The following CEP112 variants were observed in gnomAD, a reference collection of about 807,000 sequenced individuals.
CEP112 encodes the protein centrosomal protein of 112 kDa.
In CEP112, 127 loss-of-function variants were observed where a neutral mutation model predicts 153.0. That is an observed-to-expected ratio of 0.83 (90% CI 0.72 to 0.96). CEP112 has a LOEUF of 0.96. Among genes scored for constraint, CEP112 ranks in the 40% least tolerant of loss-of-function variants. The pLI, the probability that CEP112 is intolerant of heterozygous loss-of-function variation, is 0.00. For synonymous variants in CEP112, 358 were observed against 374.4 expected, an observed-to-expected ratio of 0.96 and a Z score of 0.51; for missense variants, 1,089 against 1,101.2, an observed-to-expected ratio of 0.99 and a Z score of 0.16.
intron 9 of CEP112, among the ~76,000 whole-genome samples, chr17:66,067,514 G>T (rs2067168038): frequency 2.0e-5 from 3 of 152,094 alleles, no homozygotes; most frequent in Admixed American, 1.3e-4. Context: ...TAAGTGAATG[G>T]TGAATTAGTA....
At chr17:66,107,605 A>G (rs1458784588) in intron 6 of CEP112, among the ~76,000 whole-genome samples, 1 of 152,086 alleles carries the variant, frequency 6.6e-6, no homozygotes, top group Admixed American at 6.5e-5. Flanking sequence ...AAAGATCAGT[A>G]CAACAAAAAC....
intron 23 of CEP112, among the ~76,000 whole-genome samples, chr17:65,730,100 A>G (rs1486202785): frequency 3.3e-5 from 5 of 152,238 alleles, no homozygotes; most frequent in African/African-American, 1.2e-4. Context: ...ACCTTAATTG[A>G]TTCCTTAACG....
intron 18 of CEP112, among the ~76,000 whole-genome samples, chr17:65,934,026 T>C (rs2061219349): frequency 6.6e-6 from 1 of 152,070 alleles, no homozygotes; most frequent in Non-Finnish European, 1.5e-5. Flanking sequence ...CCATCTCTAC[T>C]AAAAATACAA....
intron 23 of CEP112, among the ~76,000 whole-genome samples, chr17:65,728,343 G>A (rs1158950234): frequency 6.6e-6 from 1 of 152,166 alleles, no homozygotes; most frequent in Admixed American, 6.5e-5. Flanking sequence ...ATTACAAAAG[G>A]GACTTTAAGA....
At chr17:65,905,480 G>C (rs946376476) in intron 19 of CEP112, among the ~76,000 whole-genome samples, 1 of 152,190 alleles carries the variant, frequency 6.6e-6, no homozygotes, top group Non-Finnish European at 1.5e-5. Flanking sequence ...GGAGAAACAG[G>C]AACACTTTTA....
intron 12 of CEP112, among the ~76,000 whole-genome samples, chr17:66,030,871 T>C (rs1007835738): frequency 6.6e-6 from 1 of 152,218 alleles, no homozygotes; most frequent in African/African-American, 2.4e-5. Context: ...TCAACTATTG[T>C]GTTATTCTAA....
chr17:65,798,400 G>A (rs1289651761), intron 21 of CEP112, among the ~76,000 whole-genome samples: 1 of 152,132 alleles, frequency 6.6e-6, no homozygotes, highest in African/African-American at 2.4e-5. Flanking sequence ...CACCTTTTCT[G>A]AAGTCATCAG....
intron 24 of CEP112, among the ~76,000 whole-genome samples, chr17:65,643,373 C>T (rs1210555436): frequency 6.6e-6 from 1 of 152,120 alleles, no homozygotes; most frequent in Admixed American, 6.6e-5. Flanking sequence ...TCTTGGCTCA[C>T]TGCAACCTCT....
intron 1 of CEP112, among the ~76,000 whole-genome samples, chr17:66,185,079 G>A (rs1053789466): frequency 5.3e-5 from 8 of 152,160 alleles, no homozygotes; most frequent in Non-Finnish European, 1.2e-4. Context: ...AGCAGTGGGG[G>A]CAGAGTCTCA....
At chr17:66,184,271 G>A (rs1223273482) in intron 1 of CEP112, among the ~76,000 whole-genome samples, 1 of 151,822 alleles carries the variant, frequency 6.6e-6, no homozygotes, top group East Asian at 1.9e-4. Flanking sequence ...AAATAAAAAA[G>A]AAAGCTGACA....
intron 18 of CEP112, among the ~76,000 whole-genome samples, chr17:65,933,279 T>C (rs1345758610): frequency 6.6e-6 from 1 of 152,264 alleles, no homozygotes; most frequent in East Asian, 1.9e-4. Flanking sequence ...AAGAAAATAA[T>C]GGCTGAAAGC....
chr17:65,881,711 A>G (rs1024274125), intron 20 of CEP112, among the ~76,000 whole-genome samples: 1 of 152,136 alleles, frequency 6.6e-6, no homozygotes, highest in Non-Finnish European at 1.5e-5. Context: ...TGCCAATGGT[A>G]TAAGAGAAAT....
intron 17 of CEP112, among the ~76,000 whole-genome samples, chr17:66,004,537 A>T (rs1164855942): frequency 1.3e-5 from 2 of 152,202 alleles, no homozygotes; most frequent in African/African-American, 4.8e-5. Context: ...TATTTATTTG[A>T]CTTAATATCT....
At chr17:65,662,919 G>A (rs928901034) in intron 24 of CEP112, among the ~76,000 whole-genome samples, 2 of 152,138 alleles carry the variant, frequency 1.3e-5, no homozygotes, top group African/African-American at 4.8e-5. Context: ...AACCATAAGA[G>A]GCTCCTATCT....
intron 23 of CEP112, 82 bp from the exon 24 acceptor site, chr17:65,689,300 A>C: frequency 1.1e-6 from 1 of 936,582 alleles, no homozygotes; most frequent in Non-Finnish European, 1.7e-6. Flanking sequence ...GGCACTAAAA[A>C]GGCCTCAGAT....
At chr17:65,646,302 A>G (rs2045430672) in intron 24 of CEP112, among the ~76,000 whole-genome samples, 1 of 152,208 alleles carries the variant, frequency 6.6e-6, no homozygotes. Flanking sequence ...GTGAGTTTGA[A>G]TGAATTTAAA....
chr17:66,002,899 T>A (rs1285187166), intron 17 of CEP112, among the ~76,000 whole-genome samples: 1 of 152,134 alleles, frequency 6.6e-6, no homozygotes, highest in Admixed American at 6.5e-5. Context: ...AAAGAAAAAA[T>A]TTTGTTAATA....
Position 65,647,767 on chromosome 17 carries a change from G to A in CEP112, c.2698-6702C>T, listed in dbSNP as rs144629984. Reference sequence around the variant, plus strand: ...CAAAGTGCTAAGATGATAGGCATAAGCCACCATGCCTGGCTTTTGCTACTG... The same window carrying A: ...CAAAGTGCTAAGATGATAGGCATAAACCACCATGCCTGGCTTTTGCTACTG... On this transcript the variant is annotated intron_variant, in intron 24 of 26. Transcript: ENST00000535342. Among the ~76,000 whole-genome samples, 30 of 151,936 alleles carry A rather than the reference G, an allele frequency of 2.0e-4. No individual in the cohort carries two copies. In the East Asian group the frequency reaches 5.8e-3, roughly 29 times the overall value.
At chr17:66,069,646 G>T (rs568433493) in intron 9 of CEP112, among the ~76,000 whole-genome samples, 1 of 152,122 alleles carries the variant, frequency 6.6e-6, no homozygotes, top group African/African-American at 2.4e-5. Context: ...CTATAAGAAG[G>T]TCAGCCTAAA....
Sources: allele counts gnomAD v4.1 joint callset (sites outside exome capture counted in the v4.1 genomes callset), GRCh38; gene constraint gnomAD v4.1.1; transcripts MANE v1.5; gene names NCBI Gene and HGNC (gene_info 2026-07-23, HGNC 2026-07-21).